Variants in LPIN1 observed in about 807,000 individuals in gnomAD.
The protein encoded by LPIN1 is phosphatidate phosphatase LPIN1.
In LPIN1, 71 loss-of-function variants were observed where a neutral mutation model predicts 107.5. The ratio of observed to expected loss-of-function variants is 0.66; its 90% CI spans 0.55 to 0.80. The LOEUF (loss-of-function observed/expected upper bound fraction) is 0.80, where lower values mean the gene tolerates loss of function less well. Ranked by LOEUF, LPIN1 falls within the 30% of genes least tolerant of loss-of-function variation. The pLI, the probability that LPIN1 is intolerant of heterozygous loss-of-function variation, is 0.00. For missense variants in LPIN1, 1,043 were observed against 1,160.6 expected (o/e 0.90, Z 1.47); for synonymous variants, 445 against 452.6 (o/e 0.98, Z 0.21).
At chr2:11,715,640 A>T (rs999281104) in intron 2 of LPIN1, among the ~76,000 whole-genome samples, 1 of 152,104 alleles carries the variant, frequency 6.6e-6, no homozygotes, top group African/African-American at 2.4e-5. Flanking sequence ...GGCTTGTATC[A>T]GCTTGTGTGG....
At chr2:11,802,252 C>T (rs1020532462) in intron 14 of LPIN1, among the ~76,000 whole-genome samples, 11 of 152,072 alleles carry the variant, frequency 7.2e-5, no homozygotes, top group African/African-American at 2.4e-4. Context: ...TTAAAGAAAA[C>T]GAGCCTAATT....
At chr2:11,820,897 T>A (rs1681396459) in intron 20 of LPIN1, among the ~76,000 whole-genome samples, 1 of 152,262 alleles carries the variant, frequency 6.6e-6, no homozygotes, top group South Asian at 2.1e-4. Flanking sequence ...TCTCTTCACA[T>A]ACCAAATGTT....
chr2:11,748,991 G>A (rs943288289), intron 1 of LPIN1, among the ~76,000 whole-genome samples: 3 of 152,164 alleles, frequency 2.0e-5, no homozygotes, highest in Non-Finnish European at 2.9e-5. Context: ...GTCCTGAGGA[G>A]GAAGTCCCTG....
intron 1 of LPIN1, among the ~76,000 whole-genome samples, chr2:11,756,113 G>A (rs572705245): frequency 2.6e-5 from 4 of 152,280 alleles, no homozygotes; most frequent in African/African-American, 9.6e-5. Context: ...TATTGAGACA[G>A]TTTTGCATTT....
chr2:11,768,395 C>G (rs1022906156), intron 3 of LPIN1, among the ~76,000 whole-genome samples: 1 of 152,122 alleles, frequency 6.6e-6, no homozygotes, highest in Non-Finnish European at 1.5e-5. Context: ...GTATCGCCTC[C>G]CCTATACTCC....
chr2:11,765,018 G>GA lies in LPIN1; in HGVS notation c.-9-515_-9-514insA, dbSNP rs1467270687. Among the ~76,000 whole-genome samples the GA allele has an allele frequency of 2.6e-4, 40 of 152,240 alleles. No individual in the cohort carries two copies. Among genetic ancestry groups the GA allele is most frequent in the Non-Finnish European group, 2.9e-5 (2 of 68,030 alleles). On this transcript the variant is annotated intron_variant, in intron 1 of 20. Coordinates refer to ENST00000674199, the MANE Select transcript of LPIN1 (RefSeq NM_001349206.2). The surrounding 1 kb of genome is among the most constrained non-coding windows in gnomAD (Gnocchi z 4.4). ...GCTTGCTGTGGGAGTTGGGGTGATAGGCCGTGATGGGCCATGATGGGCTGT... is the reference window on the plus strand; with the variant it reads ...GCTTGCTGTGGGAGTTGGGGTGATAGAGCCGTGATGGGCCATGATGGGCTGT...
At chr2:11,735,691 A>G (rs959013694) in intron 1 of LPIN1, among the ~76,000 whole-genome samples, 5 of 152,224 alleles carry the variant, frequency 3.3e-5, no homozygotes, top group African/African-American at 1.2e-4. Context: ...CAACGATGAA[A>G]GGGGTTGTGT....
intron 1 of LPIN1, among the ~76,000 whole-genome samples, chr2:11,726,460 G>A (rs957476988): frequency 5.9e-5 from 9 of 152,014 alleles, no homozygotes; most frequent in African/African-American, 2.2e-4. Context: ...GTTACTCCCA[G>A]CCACGCTCTC....
At chr2:11,787,495 G>A (rs775396093) in intron 11 of LPIN1, among the ~76,000 whole-genome samples, 1 of 149,236 alleles carries the variant, frequency 6.7e-6, no homozygotes, top group Admixed American at 6.7e-5. Flanking sequence ...TGAACTTGTG[G>A]GCTTAAGAGA....
intron 1 of LPIN1, among the ~76,000 whole-genome samples, chr2:11,762,315 C>A (rs1199369649): frequency 6.6e-6 from 1 of 152,088 alleles, no homozygotes; most frequent in African/African-American, 2.4e-5. Flanking sequence ...CCTGGAAGTT[C>A]TCTGAGCCCC....
intron 1 of LPIN1, among the ~76,000 whole-genome samples, chr2:11,704,409 G>A (rs1284618585): frequency 1.3e-5 from 2 of 152,314 alleles, no homozygotes; most frequent in East Asian, 3.9e-4. Context: ...AGGCAGAGCG[G>A]GGTAGCACAT....
chr2:11,819,402 G>A (rs1681147832), intron 18 of LPIN1, 82 bp from the exon 19 acceptor site: 3 of 915,210 alleles, frequency 3.3e-6, no homozygotes, highest in Non-Finnish European at 5.5e-6. Flanking sequence ...TCAGTGTTGC[G>A]GCAGCTTTGT....
Position 11,803,476 on chromosome 2 carries a change from G to C in LPIN1, c.2013+443G>C, listed in dbSNP as rs879467981. ...TTCAGGTAACCAGGGGCATCACCTG[G>C]TCATGGTGTCCTTTTATTTTTCTGT... On this transcript the variant is annotated intron_variant, in intron 15 of 20. Transcript: ENST00000674199. The surrounding 1 kb of genome is among the most constrained non-coding windows in gnomAD (Gnocchi z 4.2). 1.3e-5 allele frequency among the ~76,000 whole-genome samples: 2 copies of C among 152,174 alleles called. No individual in the cohort carries two copies. Among genetic ancestry groups the C allele is most frequent in the Non-Finnish European group, 2.9e-5 (2 of 68,020 alleles).
Position 11,746,782 on chromosome 2 carries a change from C to G in LPIN1, c.-10+111C>G. On this transcript the variant is annotated intron_variant, in intron 1 of 20. Transcript: ENST00000674199. ...CTGAGGACGCGTGGCGAGGCGGGGG[C>G]TCGGCCCCGGGGCCCGAGGACCGAC... 6.2e-6 allele frequency: 3 copies of G among 483,956 alleles called. No homozygotes were observed. The South Asian group carries it at 2.6e-4, about 42-fold the overall frequency. The allele number at this position is 483,956 out of a possible 1,614,324, so 30.0% of individuals were successfully genotyped here. A position where few individuals can be genotyped will look rare whatever the true frequency, so the allele number is the denominator to read the frequency against.
In LPIN1 at chr2:11,782,392, C is replaced by T. The variant is rs374756350; in HGVS notation, c.1149C>T (p.Asp383=). The change falls in exon 8 of 21, where the codon GAC becomes GAT. Residue 383 remains aspartate (D), a synonymous_variant. Transcript: ENST00000674199. ...AAATGCAGTTTGTGAATGAAGAAGA[C>T]CTGGAGACCTTAGGAGCAGCAGCGC... ...QTEMQFVNEE[D]LETLGAAAPL... is the part of the protein sequence containing the mutation. 2 of 1,614,080 alleles carry T rather than the reference C, an allele frequency of 1.2e-6. No homozygotes were observed. The highest frequency in any genetic ancestry group is 1.7e-6 in the Non-Finnish European group (2 of 1,180,048).
upstream of LPIN1, among the ~76,000 whole-genome samples, chr2:11,744,314 C>T (rs189985622): frequency 4.2e-4 from 64 of 152,362 alleles, no homozygotes; most frequent in Admixed American, 3.9e-3. Flanking sequence ...AGGGCCCTCC[C>T]AGGGGGACTC....
chr2:11,788,402 A>G lies in LPIN1; in HGVS notation c.1659A>G (p.Thr553=), dbSNP rs369769496. ...VKIGSKYYNW[T]TAAPLLLAMQ... is the part of the protein sequence containing the mutation. ...TTTGTGTTAGATATTATAACTGGAC[A>G]ACAGCAGCACCCCTCCTCCTGGCAA... The change falls in exon 12 of 21, where the codon ACA becomes ACG. Residue 553 remains threonine (T), a synonymous_variant. Transcript: ENST00000674199. 1 of 1,613,866 alleles carries G rather than the reference A, an allele frequency of 6.2e-7. No individual in the cohort carries two copies. The highest frequency in any genetic ancestry group is 1.3e-5 in the African/African-American group (1 of 75,024).
At chr2:11,709,228 G>A (rs1005350627) in intron 1 of LPIN1, among the ~76,000 whole-genome samples, 4 of 152,172 alleles carry the variant, frequency 2.6e-5, no homozygotes. Flanking sequence ...TCAACAGAGG[G>A]TACCAGGCTA....
At chr2:11,715,323 G>C (rs1394285123) in intron 2 of LPIN1, among the ~76,000 whole-genome samples, 1 of 152,192 alleles carries the variant, frequency 6.6e-6, no homozygotes, top group Non-Finnish European at 1.5e-5. Flanking sequence ...CAATCCGCTG[G>C]CCTCCATCCC....
Sources: gnomAD v4.1 joint callset for allele counts (sites outside exome capture counted in the v4.1 genomes callset) on GRCh38, gnomAD v4.1.1 for gene constraint, Gnocchi (gnomAD v3.1) non-coding constraint, MANE v1.5 for transcripts, NCBI Gene and HGNC (gene_info 2026-07-23, HGNC 2026-07-21) for gene names.